Variants in NDUFV3 observed in about 807,000 individuals in gnomAD.
NDUFV3 encodes the protein NADH:ubiquinone oxidoreductase subunit V3.
NDUFV3 carries 44 observed loss-of-function variants against 37.5 expected under a neutral mutation model. The ratio of observed to expected loss-of-function variants is 1.17; its 90% confidence interval spans 0.92 to 1.51. The LOEUF is 1.51. Among genes scored for constraint, NDUFV3 ranks in the 40% most tolerant of loss-of-function variants. The pLI is 0.00. For synonymous variants in NDUFV3, 235 were observed against 239.3 expected, an observed-to-expected ratio of 0.98 and a Z score of 0.17; for missense variants, 580 against 580.4, an observed-to-expected ratio of 1.00 and a Z score of 0.01.
Position 42,905,862 on chromosome 21 carries a change from CA to C in NDUFV3, c.1264+1587del, listed in dbSNP as rs1383938576. Among the ~76,000 whole-genome samples the C allele has an allele frequency of 2.3e-4, 25 of 109,168 alleles. 1 individual carries two copies. The South Asian group carries it at 2.8e-3, about 12-fold the overall frequency. 71.6% of individuals were successfully genotyped at this position (109,168 alleles called of 152,430 possible). On this transcript the variant is annotated intron_variant, in intron 3 of 3. Transcript: ENST00000354250. Reference sequence around the variant, plus strand: ...ACAGTATTTATTCCTATGATGTTACCATTTTTTTTTTTTTTTTTGGAGATGG... The same window carrying C: ...ACAGTATTTATTCCTATGATGTTACCTTTTTTTTTTTTTTTTTGGAGATGG...
chr21:42,894,511 TTA>T (rs1568854389), intron 1 of NDUFV3, among the ~76,000 whole-genome samples: 2 of 64,264 alleles, frequency 3.1e-5, no homozygotes, highest in African/African-American at 1.5e-4. Flanking sequence ...TAATATATAT[TTA>T]TATATTATAT....
intron 3 of NDUFV3, among the ~76,000 whole-genome samples, chr21:42,905,590 A>G (rs927626538): frequency 2.6e-5 from 4 of 152,082 alleles, no homozygotes; most frequent in Admixed American, 2.6e-4. Flanking sequence ...ATCTTGGCTC[A>G]CTGTAACCTC....
chr21:42,895,798 G>T (rs1400490050), intron 1 of NDUFV3, among the ~76,000 whole-genome samples: 1 of 152,016 alleles, frequency 6.6e-6, no homozygotes, highest in Non-Finnish European at 1.5e-5. Context: ...CCTTGAACTC[G>T]GGTGTTTTCT....
rs763781022 is a variant in NDUFV3, at chr21:42,897,007, G to C, written c.129G>C (p.Lys43Asn). The change falls in exon 2 of 4, where the codon AAG becomes AAC. Residue 43 changes from lysine (K) to asparagine (N), a missense_variant. By Grantham distance (94) the Lys-to-Asn change is moderately conservative. Transcript: ENST00000354250. ...CTGCGGAATCAGGGAAGAGTGAAAA[G>C]GGTCAGCCACAGAATTCCAAGAAGC... Reference protein sequence around the residue: ...SLSAESGKSEKGQPQNSKKQS... With the variant: ...SLSAESGKSENGQPQNSKKQS... The C allele has an allele frequency of 4.3e-6, 7 of 1,614,046 alleles. No homozygotes were observed. In the East Asian group the frequency reaches 1.1e-4, roughly 26 times the overall value.
In NDUFV3 at chr21:42,896,436, G is replaced by A. The variant is rs373050189; in HGVS notation, c.49-491G>A. ...CTCCCAAAGTGCTAGGATTACAGTC[G>A]CACCGCGCCCGGCCTTTTTTTTGTA... On this transcript the variant is annotated intron_variant, in intron 1 of 3. Coordinates refer to ENST00000354250, the MANE Select transcript of NDUFV3 (RefSeq NM_021075.4). Among the ~76,000 whole-genome samples the A allele has an allele frequency of 1.6e-4, 24 of 151,828 alleles. 1 individual carries two copies. The South Asian group carries it at 2.1e-3, about 13-fold the overall frequency.
rs534441625 is a variant in NDUFV3, at chr21:42,903,386, C to T, written c.374C>T (p.Pro125Leu). The T allele has an allele frequency of 2.1e-4, 332 of 1,614,150 alleles. 3 individuals are homozygous for T. The South Asian group carries it at 3.3e-3, about 16-fold the overall frequency. The change falls in exon 3 of 4, where the codon CCA becomes CTA. Residue 125 changes from proline (P) to leucine (L), a missense_variant. Coordinates refer to ENST00000354250, the MANE Select transcript of NDUFV3 (RefSeq NM_021075.4). ...FLSRKTLVEF[P>L]QKVLSPFRKQ... ...TCAAGAAAGACTTTGGTAGAGTTTC[C>T]ACAGAAAGTTCTGTCTCCATTCAGA...
intron 3 of NDUFV3, among the ~76,000 whole-genome samples, chr21:42,908,270 T>C (rs2058751055): frequency 6.6e-6 from 1 of 151,780 alleles, no homozygotes; most frequent in Non-Finnish European, 1.5e-5. Context: ...ATCGCACCGC[T>C]GCACTCCAGC....
rs112577945 is a variant in NDUFV3 at position 42,893,462 on chromosome 21, A to G, written c.48+81A>G. ...GGGGTGAGGGGGCGCGGTGCTGGTC[A>G]GGTCCGGGCCTGTCCGCGACCTCTA... is the stretch of plus-strand genomic sequence containing the variant. On this transcript the variant is annotated intron_variant, in intron 1 of 3. Coordinates refer to ENST00000354250, the MANE Select transcript of NDUFV3 (RefSeq NM_021075.4). The G allele has an allele frequency of 3.8e-3, 5,694 of 1,488,276 alleles. 138 individuals carry two copies. In the African/African-American group the frequency reaches 0.059, roughly 15 times the overall value. The allele number at this position is 1,488,276 out of a possible 1,614,324, so 92.2% of individuals were successfully genotyped here. A position where few individuals can be genotyped will look rare whatever the true frequency, so the allele number is the denominator to read the frequency against.
chr21:42,896,220 G>A (rs796654463), intron 1 of NDUFV3, among the ~76,000 whole-genome samples: 12 of 140,768 alleles, frequency 8.5e-5, no homozygotes, highest in African/African-American at 2.4e-4. Flanking sequence ...GCAGTGGCAC[G>A]ATCTTGGCTC....
At chr21:42,894,405 T>C (rs1397531699) in intron 1 of NDUFV3, among the ~76,000 whole-genome samples, 1 of 43,322 alleles carries the variant, frequency 2.3e-5, no homozygotes, top group Admixed American at 2.7e-4. Flanking sequence ...TATATATTTA[T>C]ATAATATATA....
intron 1 of NDUFV3, among the ~76,000 whole-genome samples, chr21:42,896,350 G>T (rs2058691283): frequency 7.0e-6 from 1 of 141,942 alleles, no homozygotes; most frequent in Non-Finnish European, 1.6e-5. Context: ...TAGAGACGGG[G>T]TTTCACCGTG....
intron 2 of NDUFV3, among the ~76,000 whole-genome samples, chr21:42,900,391 C>T (rs567110699): frequency 6.6e-6 from 1 of 151,052 alleles, no homozygotes. Flanking sequence ...TAATCCCAGT[C>T]GCTCAGGAGG....
intron 2 of NDUFV3, among the ~76,000 whole-genome samples, chr21:42,901,601 C>CAA (rs575329197): frequency 3.2e-5 from 4 of 123,206 alleles, no homozygotes; most frequent in Non-Finnish European, 7.0e-5. Context: ...GACTCCATCT[C>CAA]AAAAAAAAAA....
At chr21:42,906,905 G>A (rs2839604) in intron 3 of NDUFV3, 298,084 of 517,438 alleles carry the variant, frequency 0.58, 88,932 homozygotes, top group African/African-American at 0.71. Context: ...CTCTTTAAAT[G>A]AGACATCGTT....
Position 42,906,842 on chromosome 21 carries a change from G to A in NDUFV3, c.1265-2022G>A, listed in dbSNP as rs766851584. On this transcript the variant is annotated intron_variant, in intron 3 of 3. Coordinates refer to ENST00000354250, the MANE Select transcript of NDUFV3 (RefSeq NM_021075.4). Reference sequence around the variant, plus strand: ...AAATAGTACGTTCTGCTTTGAAGGTGTCCCTACACCACACCGAAGATACTC... The same window carrying A: ...AAATAGTACGTTCTGCTTTGAAGGTATCCCTACACCACACCGAAGATACTC... 1.5e-5 allele frequency: 8 copies of A among 518,410 alleles called. No homozygotes were observed. The East Asian group carries it at 3.8e-4, about 25-fold the overall frequency. 32.1% of individuals were successfully genotyped at this position (518,410 alleles called of 1,614,324 possible). A position where few individuals can be genotyped will look rare whatever the true frequency, so the allele number is the denominator to read the frequency against.
At position 42,908,867 on chromosome 21, in the gene NDUFV3, C is replaced by A; in HGVS notation, c.1268C>A (p.Pro423Gln). 6.2e-7 allele frequency: 1 copy of A among 1,614,150 alleles called. No individual in the cohort carries two copies. Among genetic ancestry groups the A allele is most frequent in the Non-Finnish European group, 8.5e-7 (1 of 1,180,032 alleles). ...GGGCATCGTGTTTCCTCCGCAGAGC[C>A]AGCCCCAGTGCCTGCTGAGCCGTTT... ...PGDDRGGTQEPAPVPAEPFDN... is the reference protein window; with the variant it reads ...PGDDRGGTQEQAPVPAEPFDN... Residue 423 changes from proline (P) to glutamine (Q), a missense_variant, in exon 4 of 4, where the codon CCA (proline) becomes CAA (glutamine). Transcript: ENST00000354250.
intron 2 of NDUFV3, among the ~76,000 whole-genome samples, chr21:42,898,965 G>A (rs150062180): frequency 1.4e-3 from 216 of 152,296 alleles, no homozygotes; most frequent in African/African-American, 4.9e-3. Context: ...AGATACATGC[G>A]TCTGTGTGTG....
chr21:42,900,204 C>T (rs2058712829), intron 2 of NDUFV3, among the ~76,000 whole-genome samples: 1 of 151,866 alleles, frequency 6.6e-6, no homozygotes, highest in African/African-American at 2.4e-5. Context: ...CCTGTCTCGA[C>T]AAAAATAAAT....
chr21:42,905,252 C>CAT (rs1426450763), intron 3 of NDUFV3, among the ~76,000 whole-genome samples: 10 of 152,156 alleles, frequency 6.6e-5, no homozygotes, highest in African/African-American at 2.4e-4. Flanking sequence ...AAAAGGGGAG[C>CAT]CTCCGGTTTA....
Sources: allele counts gnomAD v4.1 joint callset (sites outside exome capture counted in the v4.1 genomes callset), GRCh38; gene constraint gnomAD v4.1.1; transcripts MANE v1.5; gene names NCBI Gene and HGNC (gene_info 2026-07-23, HGNC 2026-07-21).